GNG7: variants seen among roughly 807,000 people sequenced by gnomAD.
GNG7 encodes the protein guanine nucleotide-binding protein G(I)/G(S)/G(O) subunit gamma-7.
Under a neutral mutation model 4.0 loss-of-function variants are expected in GNG7, and 1 was observed. The observed-to-expected ratio is 0.25, with a 90% confidence interval of 0.09 to 1.18. The LOEUF is 1.18. Ranked by LOEUF, GNG7 falls within the 50% of genes most tolerant of loss-of-function variation. GNG7 has a pLI of 0.50. For missense variants in GNG7, 86 were observed against 91.9 expected, an observed-to-expected ratio of 0.94 and a Z score of 0.26; for synonymous variants, 34 against 36.9, an observed-to-expected ratio of 0.92 and a Z score of 0.29.
chr19:2,644,889 T>A (rs963704413), intron 2 of GNG7, among the ~76,000 whole-genome samples: 2 of 152,094 alleles, frequency 1.3e-5, no homozygotes, highest in African/African-American at 4.8e-5. Context: ...ACATTTGGAG[T>A]CTTTGCCTTA....
At position 2,617,013 on chromosome 19, in the gene GNG7, C is replaced by G. The variant is rs1409979259; in HGVS notation, c.-78+29211G>C. ...AGAAGGTTCTGGCATGAAAGCTTTG[C>G]ACCAGCCTTCCACCAGTGTGCTGCC... On this transcript the variant is annotated intron_variant, in intron 2 of 4. Transcript: ENST00000382159. The surrounding 1 kb of genome is among the most constrained non-coding windows in gnomAD (Gnocchi z 4.7). 1.3e-5 allele frequency among the ~76,000 whole-genome samples: 2 copies of G among 152,218 alleles called. No individual in the cohort carries two copies. The highest frequency in any genetic ancestry group is 4.8e-5 in the African/African-American group (2 of 41,460).
intron 3 of GNG7, among the ~76,000 whole-genome samples, chr19:2,554,743 C>T (rs367600367): frequency 5.9e-5 from 9 of 151,634 alleles, no homozygotes; most frequent in Non-Finnish European, 1.2e-4. Context: ...TTGGTAGAGA[C>T]GGGGTTTCGC....
At position 2,537,107 on chromosome 19, in the gene GNG7, C is replaced by T. The variant is rs145309488; in HGVS notation, c.-37-16382G>A. Among the ~76,000 whole-genome samples the T allele has an allele frequency of 9.3e-3, 1,379 of 147,592 alleles. 12 individuals are homozygous for T. Among genetic ancestry groups the T allele is most frequent in the African/African-American group, 0.031 (1,245 of 39,960 alleles). ...GACTACAGGTGCCCGCCACCGCGCC[C>T]GGCTAATTTTTTGTATTTTGTTTAG... On this transcript the variant is annotated intron_variant, in intron 3 of 4. Coordinates refer to ENST00000382159, the MANE Select transcript of GNG7 (RefSeq NM_052847.3).
chr19:2,679,412 G>C (rs1390016409), intron 1 of GNG7, among the ~76,000 whole-genome samples: 1 of 152,086 alleles, frequency 6.6e-6, no homozygotes, highest in Admixed American at 6.6e-5. Context: ...CAATAACAGT[G>C]ATAACCAGGA....
intron 2 of GNG7, among the ~76,000 whole-genome samples, chr19:2,556,683 G>A (rs1188492644): frequency 2.0e-5 from 3 of 152,132 alleles, no homozygotes; most frequent in Non-Finnish European, 4.4e-5. Context: ...GCCGAGTCCC[G>A]GCTTTCCCAG....
In GNG7 at chr19:2,572,803, C is replaced by T. The variant is rs550940750; in HGVS notation, c.-77-17615G>A. Among the ~76,000 whole-genome samples, 8 of 151,860 alleles carry T rather than the reference C, an allele frequency of 5.3e-5. 1 individual carries two copies. The East Asian group carries it at 1.6e-3, about 29-fold the overall frequency. Reference sequence around the variant, plus strand: ...CTAGAGATGGGGTCTCACTATATTGCCCAGGCTGGTCTTGAACTCCTGGTC... The same window carrying T: ...CTAGAGATGGGGTCTCACTATATTGTCCAGGCTGGTCTTGAACTCCTGGTC... On this transcript the variant is annotated intron_variant, in intron 2 of 4. Coordinates refer to ENST00000382159, the MANE Select transcript of GNG7 (RefSeq NM_052847.3).
At chr19:2,576,318 C>T (rs1231401198) in intron 2 of GNG7, among the ~76,000 whole-genome samples, 2 of 152,184 alleles carry the variant, frequency 1.3e-5, no homozygotes, top group East Asian at 1.9e-4. Flanking sequence ...CAGAACCCTT[C>T]GACCCAGGCC....
intron 1 of GNG7, among the ~76,000 whole-genome samples, chr19:2,680,558 C>T (rs921369604): frequency 2.7e-5 from 4 of 150,188 alleles, no homozygotes; most frequent in Non-Finnish European, 5.9e-5. Flanking sequence ...ATACACTTAA[C>T]ACAAAATTTA....
chr19:2,702,177 C>T (rs1393996500), intron 1 of GNG7, among the ~76,000 whole-genome samples: 4 of 142,276 alleles, frequency 2.8e-5, no homozygotes, highest in African/African-American at 1.0e-4. Context: ...TCACCCCCAG[C>T]CCCCTCCTCA....
chr19:2,613,940 C>T (rs562237913), intron 2 of GNG7, among the ~76,000 whole-genome samples: 1 of 152,268 alleles, frequency 6.6e-6, no homozygotes, highest in South Asian at 2.1e-4. Flanking sequence ...AGGTGCGAAT[C>T]AGACAGAAGC....
chr19:2,660,918 A>T (rs2144878049), intron 1 of GNG7, among the ~76,000 whole-genome samples: 1 of 152,216 alleles, frequency 6.6e-6, no homozygotes, highest in African/African-American at 2.4e-5. Context: ...TGTTGCAGAA[A>T]TGGGCCCTCC....
chr19:2,552,284 C>G (rs1040683564), intron 3 of GNG7, among the ~76,000 whole-genome samples: 9 of 152,200 alleles, frequency 5.9e-5, no homozygotes, highest in Middle Eastern at 3.4e-3. Context: ...GACTGGGCAA[C>G]AGAGAGAGAC....
chr19:2,601,523 T>A (rs1386649917), intron 2 of GNG7, among the ~76,000 whole-genome samples: 2 of 152,144 alleles, frequency 1.3e-5, no homozygotes, highest in Non-Finnish European at 2.9e-5. Context: ...TTTGGCTTCC[T>A]GTCTCCACTG....
At chr19:2,613,683 A>T (rs1016877111) in intron 2 of GNG7, among the ~76,000 whole-genome samples, 1 of 152,116 alleles carries the variant, frequency 6.6e-6, no homozygotes, top group Non-Finnish European at 1.5e-5. Context: ...GACACTGGGC[A>T]ATGTCTGGGG....
chr19:2,568,360 CACAT>C (rs1248407491), intron 2 of GNG7, among the ~76,000 whole-genome samples: 5 of 151,334 alleles, frequency 3.3e-5, no homozygotes, highest in African/African-American at 1.2e-4. Flanking sequence ...CACACACGTG[CACAT>C]ACACACATAT....
intron 1 of GNG7, among the ~76,000 whole-genome samples, chr19:2,674,499 A>C (rs1035523555): frequency 6.6e-6 from 1 of 151,922 alleles, no homozygotes; most frequent in African/African-American, 2.4e-5. Context: ...GCAGTGGTGC[A>C]ATCTCAGCTC....
At chr19:2,610,584 G>C (rs1244558169) in intron 2 of GNG7, 2 of 151,962 alleles carry the variant, frequency 1.3e-5, no homozygotes, top group African/African-American at 2.4e-5. Context: ...CTGACCTCAG[G>C]TGATCCACCC....
At chr19:2,592,710 C>A (rs1980879407) in intron 2 of GNG7, among the ~76,000 whole-genome samples, 1 of 119,780 alleles carries the variant, frequency 8.3e-6, no homozygotes, top group African/African-American at 3.2e-5. Context: ...TCACTCCAGC[C>A]TGGGTGACAG....
chr19:2,669,219 C>T (rs1298507300), intron 1 of GNG7, among the ~76,000 whole-genome samples: 6 of 152,162 alleles, frequency 3.9e-5, no homozygotes, highest in African/African-American at 9.7e-5. Flanking sequence ...GGGTTGGGCG[C>T]GGTGGCTCAC....
Sources: gnomAD v4.1 joint callset for allele counts (sites outside exome capture counted in the v4.1 genomes callset) on GRCh38, gnomAD v4.1.1 for gene constraint, Gnocchi (gnomAD v3.1) non-coding constraint, MANE v1.5 for transcripts, NCBI Gene and HGNC (gene_info 2026-07-23, HGNC 2026-07-21) for gene names.